Variants in SLC39A12 observed in about 807,000 individuals in gnomAD.
The protein encoded by SLC39A12 is solute carrier family 39 member 12.
A neutral mutation model predicts 71.1 loss-of-function variants in SLC39A12; 63 were observed. The observed-to-expected ratio is 0.89, with a 90% confidence interval of 0.72 to 1.09. The LOEUF is 1.09. Among genes scored for constraint, SLC39A12 ranks in the 50% least tolerant of loss-of-function variants. SLC39A12 has a pLI of 0.00. For synonymous variants in SLC39A12, 351 were observed against 301.3 expected, an observed-to-expected ratio of 1.16 and a Z score of -1.71; for missense variants, 892 against 812.6, an observed-to-expected ratio of 1.10 and a Z score of -1.19.
chr10:17,983,603 A>G (rs1353888183), intron 6 of SLC39A12, among the ~76,000 whole-genome samples: 5 of 151,946 alleles, frequency 3.3e-5, no homozygotes, highest in South Asian at 2.1e-4. Context: ...CCAACATGGT[A>G]AAACCCCGTC....
chr10:17,984,113 G>A (rs1478993384), intron 6 of SLC39A12, among the ~76,000 whole-genome samples: 4 of 152,182 alleles, frequency 2.6e-5, no homozygotes, highest in African/African-American at 9.7e-5. Flanking sequence ...TGTAATAATG[G>A]GAAACTTTAG....
At chr10:18,002,363 A>G (rs1168636371) in intron 11 of SLC39A12, 1 of 152,148 alleles carries the variant, frequency 6.6e-6, no homozygotes, top group Non-Finnish European at 1.5e-5. Context: ...ATTAAAGTGC[A>G]CCTGGTCTGG....
Position 18,036,794 on chromosome 10 carries a change from A to ATTTT in SLC39A12, c.1948-5903_1948-5900dup, listed in dbSNP as rs746691202. ...TATATATATATATATATATATATATATTTTTTTTTTTAATGGAATCTCACT... is the reference window on the plus strand; with the variant it reads ...TATATATATATATATATATATATATATTTTTTTTTTTTTTTAATGGAATCTCACT... On this transcript the variant is annotated intron_variant, in intron 12 of 12. Coordinates refer to ENST00000377369, the MANE Select transcript of SLC39A12 (RefSeq NM_001145195.2). 5.4e-3 allele frequency among the ~76,000 whole-genome samples: 498 copies of ATTTT among 92,782 alleles called. 32 individuals carry two copies. The highest frequency in any genetic ancestry group is 0.01 in the East Asian group (23 of 2,278). 60.9% of individuals were successfully genotyped at this position (92,782 alleles called of 152,430 possible). A position where few individuals can be genotyped will look rare whatever the true frequency, so the allele number is the denominator to read the frequency against.
chr10:18,041,914 CAT>C (rs146350076), intron 12 of SLC39A12, among the ~76,000 whole-genome samples: 1 of 148,236 alleles, frequency 6.7e-6, no homozygotes, highest in African/African-American at 2.5e-5. Context: ...TATATGTATA[CAT>C]ATATATATGT....
intron 12 of SLC39A12, among the ~76,000 whole-genome samples, chr10:18,030,869 T>C (rs973734337): frequency 1.4e-5 from 2 of 141,200 alleles, no homozygotes; most frequent in Admixed American, 7.4e-5. Flanking sequence ...CATTGTTCAA[T>C]TCCCACCTAT....
At chr10:17,972,782 T>TA (rs1355243576) in intron 4 of SLC39A12, among the ~76,000 whole-genome samples, 3 of 151,970 alleles carry the variant, frequency 2.0e-5, no homozygotes, top group African/African-American at 7.2e-5. Flanking sequence ...ATTTTTTTTT[T>TA]ATCTATTCTG....
intron 12 of SLC39A12, among the ~76,000 whole-genome samples, chr10:18,020,687 T>C (rs886282433): frequency 1.3e-5 from 2 of 152,146 alleles, no homozygotes; most frequent in African/African-American, 4.8e-5. Context: ...TGGTGTGTCA[T>C]TGTGGTTTTG....
At chr10:18,019,934 T>G (rs1012717054) in intron 12 of SLC39A12, among the ~76,000 whole-genome samples, 1 of 152,114 alleles carries the variant, frequency 6.6e-6, no homozygotes, top group Non-Finnish European at 1.5e-5. Flanking sequence ...ATTGATGTCC[T>G]GCTGAATTCA....
intron 12 of SLC39A12, among the ~76,000 whole-genome samples, chr10:18,015,776 C>CT (rs374700161): frequency 8.0e-4 from 117 of 146,038 alleles, no homozygotes; most frequent in Middle Eastern, 3.6e-3. Flanking sequence ...AAATAATCAA[C>CT]TTTTTTTTTT....
chr10:18,005,657 T>C (rs960771142), intron 12 of SLC39A12: 5 of 152,238 alleles, frequency 3.3e-5, no homozygotes. Context: ...TCAAGAGCCA[T>C]TTGTCATGCA....
chr10:17,988,472 C>G (rs1410177529), intron 7 of SLC39A12, among the ~76,000 whole-genome samples: 2 of 152,324 alleles, frequency 1.3e-5, no homozygotes, highest in Middle Eastern at 3.4e-3. Flanking sequence ...ATATCAGAAG[C>G]AAATGCTGAC....
chr10:17,999,039 G>A (rs1426951005), intron 10 of SLC39A12, among the ~76,000 whole-genome samples: 2 of 152,316 alleles, frequency 1.3e-5, no homozygotes, highest in South Asian at 4.1e-4. Flanking sequence ...GCTAACGCCT[G>A]TAATCCCAGC....
chr10:17,978,975 AGTGTAGAGCCCAG>A (rs2130805646), intron 5 of SLC39A12, among the ~76,000 whole-genome samples: 1 of 152,288 alleles, frequency 6.6e-6, no homozygotes, highest in Admixed American at 6.5e-5. Context: ...ATAAACCCCA[AGTGTAGAGCCCAG>A]AACTCTGTCT....
rs375081999 is a variant in SLC39A12 at position 18,013,345 on chromosome 10, A to ATTT, written c.1947+9988_1947+9990dup. Among the ~76,000 whole-genome samples the ATTT allele has an allele frequency of 4.3e-3, 368 of 85,094 alleles. 3 individuals are homozygous for ATTT. Among genetic ancestry groups the ATTT allele is most frequent in the African/African-American group, 0.015 (283 of 18,804 alleles). 55.8% of individuals were successfully genotyped at this position (85,094 alleles called of 152,430 possible). Reference sequence around the variant, plus strand: ...TGGTATTAGGTAAACATCCAACTTTATTTATTATTATTATTATTATTATTA... The same window carrying ATTT: ...TGGTATTAGGTAAACATCCAACTTTATTTTTTATTATTATTATTATTATTATTA... On this transcript the variant is annotated intron_variant, in intron 12 of 12. Transcript: ENST00000377369.
chr10:17,987,748 A>G (rs1241743682), intron 7 of SLC39A12, 97 bp downstream of exon 7: 21 of 1,304,564 alleles, frequency 1.6e-5, no homozygotes, highest in Non-Finnish European at 2.0e-5. Context: ...GAGACTTCAA[A>G]GAGAGAGTAT....
intron 3 of SLC39A12, among the ~76,000 whole-genome samples, chr10:17,963,960 T>G (rs1189299469): frequency 6.6e-6 from 1 of 152,184 alleles, no homozygotes; most frequent in Admixed American, 6.5e-5. Context: ...CTGTGTTTTA[T>G]CTTCCTGACT....
At chr10:18,027,755 T>C (rs1027323403) in intron 12 of SLC39A12, among the ~76,000 whole-genome samples, 2 of 152,214 alleles carry the variant, frequency 1.3e-5, no homozygotes, top group African/African-American at 4.8e-5. Flanking sequence ...AAGAGAGTTG[T>C]TGGTTTTTCA....
chr10:17,974,748 A>C (rs1380970315), intron 4 of SLC39A12, among the ~76,000 whole-genome samples: 2 of 152,160 alleles, frequency 1.3e-5, no homozygotes, highest in African/African-American at 4.8e-5. Flanking sequence ...GTCTCACCCG[A>C]GGCCCACTGT....
intron 12 of SLC39A12, among the ~76,000 whole-genome samples, chr10:18,028,575 G>T (rs4747338): frequency 0.48 from 73,599 of 151,936 alleles, 18,744 homozygotes; most frequent in Non-Finnish European, 0.57. Flanking sequence ...CTAGTATACA[G>T]TTATCACATA....
Sources: gnomAD v4.1 joint callset for allele counts (sites outside exome capture counted in the v4.1 genomes callset) on GRCh38, gnomAD v4.1.1 for gene constraint, MANE v1.5 for transcripts, NCBI Gene and HGNC (gene_info 2026-07-23, HGNC 2026-07-21) for gene names.